The following ADAMTS19 variants were observed in gnomAD, a reference collection of about 807,000 sequenced individuals.
ADAMTS19 encodes the protein A disintegrin and metalloproteinase with thrombospondin motifs 19.
In ADAMTS19, 93 loss-of-function variants were observed where a neutral mutation model predicts 153.3. The observed-to-expected ratio is 0.61, with a 90% CI of 0.51 to 0.72. The LOEUF (loss-of-function observed/expected upper bound fraction) is 0.72, where lower values mean the gene tolerates loss of function less well. ADAMTS19 is among the 30% of genes least tolerant of loss of function. ADAMTS19 has a pLI of 0.00. For synonymous variants in ADAMTS19, 600 were observed against 556.6 expected, an observed-to-expected ratio of 1.08 and a Z score of -1.10; for missense variants, 1,482 against 1,552.1, an observed-to-expected ratio of 0.95 and a Z score of 0.76.
intron 2 of ADAMTS19, among the ~76,000 whole-genome samples, chr5:129,485,023 T>C (rs1201720688): frequency 6.6e-6 from 1 of 152,152 alleles, no homozygotes; most frequent in Admixed American, 6.5e-5. Flanking sequence ...ACCATCAACC[T>C]ACTTAACCTA....
At chr5:129,538,196 A>T (rs1256821939) in intron 6 of ADAMTS19, among the ~76,000 whole-genome samples, 1 of 152,072 alleles carries the variant, frequency 6.6e-6, no homozygotes, top group African/African-American at 2.4e-5. Context: ...TATTACAGAA[A>T]ACTGATAAGT....
chr5:129,524,700 A>T (rs1407629010), intron 3 of ADAMTS19, among the ~76,000 whole-genome samples: 1 of 151,814 alleles, frequency 6.6e-6, no homozygotes, highest in African/African-American at 2.4e-5. Flanking sequence ...GTGGCACAGC[A>T]CATGTACACC....
intron 7 of ADAMTS19, among the ~76,000 whole-genome samples, chr5:129,590,517 T>C (rs1328671901): frequency 1.3e-5 from 2 of 152,214 alleles, no homozygotes; most frequent in East Asian, 3.8e-4. Context: ...CAGTTTTTTC[T>C]TAGTATTCAT....
At chr5:129,480,163 C>G (rs1750361154) in intron 2 of ADAMTS19, among the ~76,000 whole-genome samples, 1 of 152,104 alleles carries the variant, frequency 6.6e-6, no homozygotes, top group Non-Finnish European at 1.5e-5. Flanking sequence ...AGTTGATTTT[C>G]AAGAAAGTTA....
chr5:129,622,404 G>T, intron 10 of ADAMTS19, 56 bp downstream of exon 10: 9 of 1,574,324 alleles, frequency 5.7e-6, no homozygotes, highest in South Asian at 1.1e-5. Flanking sequence ...AGTATTGATT[G>T]GTAGGAGAAG....
At chr5:129,594,746 T>C (rs1750294659) in intron 7 of ADAMTS19, among the ~76,000 whole-genome samples, 1 of 152,124 alleles carries the variant, frequency 6.6e-6, no homozygotes, top group South Asian at 2.1e-4. Context: ...TCATCTGTTG[T>C]TTAATAGAAC....
intron 19 of ADAMTS19, among the ~76,000 whole-genome samples, chr5:129,695,399 G>C (rs1755508329): frequency 6.6e-6 from 1 of 152,136 alleles, no homozygotes; most frequent in African/African-American, 2.4e-5. Context: ...AGATGCTTTG[G>C]TTTCCTCTGA....
At chr5:129,701,698 A>G (rs961167629) in intron 20 of ADAMTS19, 106 bp downstream of exon 20, 1 of 1,204,110 alleles carries the variant, frequency 8.3e-7, no homozygotes, top group Non-Finnish European at 1.1e-6. Context: ...ATATTTTTCT[A>G]TACTATTTAT....
At chr5:129,665,246 A>G (rs1753991211) in intron 15 of ADAMTS19, among the ~76,000 whole-genome samples, 2 of 150,782 alleles carry the variant, frequency 1.3e-5, no homozygotes, top group Admixed American at 6.6e-5. Flanking sequence ...TAAGGTATCA[A>G]TGAGATTTTT....
rs1749627016 is a variant in ADAMTS19, at chr5:129,460,982, G to A, written c.92-120G>A. On this transcript the variant is annotated intron_variant, in intron 1 of 22. Transcript: ENST00000274487. The stretch of plus-strand genomic sequence containing the variant: ...GTTGCAGAGTTTCAGGGTCTAGACG[G>A]GTGGTCTCCATTGCATTCAACGCGA... 3.2e-6 allele frequency: 4 copies of A among 1,244,332 alleles called. No homozygotes were observed. The South Asian group carries it at 1.3e-4, about 39-fold the overall frequency. The allele number at this position is 1,244,332 out of a possible 1,614,324, so 77.1% of individuals were successfully genotyped here. A position where few individuals can be genotyped will look rare whatever the true frequency, so the allele number is the denominator to read the frequency against.
intron 18 of ADAMTS19, among the ~76,000 whole-genome samples, chr5:129,693,562 A>T (rs532650240): frequency 1.6e-4 from 25 of 152,320 alleles, no homozygotes; most frequent in Non-Finnish European, 3.2e-4. Context: ...ATTAAATAAG[A>T]TTATTAAATA....
chr5:129,694,829 G>A lies in ADAMTS19; in HGVS notation c.2928G>A (p.Lys976=). Residue 976 remains lysine (K), a synonymous_variant, in exon 19 of 23, where the codon AAG becomes AAA. Coordinates refer to ENST00000274487, the MANE Select transcript of ADAMTS19 (RefSeq NM_133638.6). ...CCAAGCCAGAGCCACAGATTCGAAA[G>A]TGCAATGAGCAACCATGTCAAACAA... The part of the protein sequence containing the change: ...YLTKPEPQIR[K]CNEQPCQTRW... The A allele has an allele frequency of 1.3e-6, 2 of 1,593,580 alleles. No individual in the cohort carries two copies. Among genetic ancestry groups the A allele is most frequent in the Non-Finnish European group, 8.6e-7 (1 of 1,169,316 alleles).
At chr5:129,585,923 T>C (rs1458609071) in intron 7 of ADAMTS19, among the ~76,000 whole-genome samples, 1 of 152,212 alleles carries the variant, frequency 6.6e-6, no homozygotes, top group Non-Finnish European at 1.5e-5. Context: ...CTTTTTTTCC[T>C]TTTCATTTTC....
Position 129,733,350 on chromosome 5 carries a change from ATCAG to A in ADAMTS19, c.3313-1581_3313-1578del, listed in dbSNP as rs1757528166. 2.6e-5 allele frequency among the ~76,000 whole-genome samples: 4 copies of A among 152,200 alleles called. No homozygotes were observed. In the South Asian group the frequency reaches 8.3e-4, roughly 32 times the overall value. On this transcript the variant is annotated intron_variant, in intron 21 of 22. Coordinates refer to ENST00000274487, the MANE Select transcript of ADAMTS19 (RefSeq NM_133638.6). ...GAGCTTCTGCACAGCAAAAGAAATAATCAGCAGAGTATACAGAAAACTAACTGAA... is the reference window on the plus strand; with the variant it reads ...GAGCTTCTGCACAGCAAAAGAAATAACAGAGTATACAGAAAACTAACTGAA...
chr5:129,499,030 T>A (rs934495591), intron 2 of ADAMTS19, among the ~76,000 whole-genome samples: 8 of 152,010 alleles, frequency 5.3e-5, no homozygotes, highest in African/African-American at 1.7e-4. Context: ...ATAATGAACA[T>A]TAAATAATCA....
Position 129,460,363 on chromosome 5 carries a change from G to A in ADAMTS19, c.-29G>A, listed in dbSNP as rs777816191. 70 of 1,601,744 alleles carry A rather than the reference G, an allele frequency of 4.4e-5. No individual in the cohort carries two copies. Among genetic ancestry groups the A allele is most frequent in the Non-Finnish European group, 5.8e-5 (68 of 1,172,410 alleles). Reference sequence around the variant, plus strand: ...GGATCGCGCTGGAGGCGTGCGCCGGGCGAGAAGCCGCGGCCGCGGGAGCGC... The same window carrying A: ...GGATCGCGCTGGAGGCGTGCGCCGGACGAGAAGCCGCGGCCGCGGGAGCGC... On this transcript the variant is annotated 5_prime_UTR_variant, in exon 1 of 23. Coordinates refer to ENST00000274487, the MANE Select transcript of ADAMTS19 (RefSeq NM_133638.6).
intron 21 of ADAMTS19, among the ~76,000 whole-genome samples, chr5:129,720,257 C>T (rs956981429): frequency 1.1e-4 from 17 of 150,796 alleles, no homozygotes; most frequent in South Asian, 4.2e-4. Flanking sequence ...CTGCAACCTC[C>T]GCCTCCAGGG....
At chr5:129,481,840 A>C (rs536285056) in intron 2 of ADAMTS19, among the ~76,000 whole-genome samples, 1 of 152,286 alleles carries the variant, frequency 6.6e-6, no homozygotes, top group South Asian at 2.1e-4. Context: ...AATAGAGTGC[A>C]GGTATTACTT....
At chr5:129,644,696 T>C (rs1561623379) in intron 11 of ADAMTS19, among the ~76,000 whole-genome samples, 2 of 152,154 alleles carry the variant, frequency 1.3e-5, no homozygotes, top group South Asian at 4.1e-4. Context: ...AGAGATTAAG[T>C]AGTGGGCAAA....
Sources: gnomAD v4.1 joint callset for allele counts (sites outside exome capture counted in the v4.1 genomes callset) on GRCh38, gnomAD v4.1.1 for gene constraint, MANE v1.5 for transcripts, NCBI Gene and HGNC (gene_info 2026-07-23, HGNC 2026-07-21) for gene names.